Variants in PDE4D observed in about 807,000 individuals in gnomAD.
The protein encoded by PDE4D is phosphodiesterase 4D.
A neutral mutation model predicts 87.4 loss-of-function variants in PDE4D; 24 were observed. The ratio of observed to expected loss-of-function variants is 0.27; its 90% CI spans 0.20 to 0.39. The LOEUF (loss-of-function observed/expected upper bound fraction) is 0.39, where lower values mean the gene tolerates loss of function less well. PDE4D is among the 10% of genes least tolerant of loss of function. The pLI, the probability that PDE4D is intolerant of heterozygous loss-of-function variation, is 1.00. For synonymous variants in PDE4D, 384 were observed against 383.2 expected (o/e 1.00, Z -0.02); for missense variants, 714 against 1,041.0 (o/e 0.69, Z 4.32).
intron 1 of PDE4D, among the ~76,000 whole-genome samples, chr5:59,297,644 T>C (rs1308169077): frequency 2.0e-5 from 3 of 152,098 alleles, no homozygotes; most frequent in Admixed American, 6.6e-5. Context: ...TATCCTCCTA[T>C]GTCCCCAGTA....
At chr5:60,417,041 T>C (rs902041066) in intron 1 of PDE4D, among the ~76,000 whole-genome samples, 1 of 152,218 alleles carries the variant, frequency 6.6e-6, no homozygotes, top group Non-Finnish European at 1.5e-5. Context: ...CTGAAGTAGA[T>C]GTCCAGACTC....
intron 1 of PDE4D, among the ~76,000 whole-genome samples, chr5:59,701,683 C>T (rs1752590872): frequency 6.6e-6 from 1 of 152,138 alleles, no homozygotes; most frequent in Non-Finnish European, 1.5e-5. Flanking sequence ...GTGAAGACTC[C>T]AAGAGGAGCA....
chr5:60,155,689 G>A (rs1456569635), intron 2 of PDE4D, among the ~76,000 whole-genome samples: 3 of 152,114 alleles, frequency 2.0e-5, no homozygotes, highest in Non-Finnish European at 2.9e-5. Context: ...TAAATTATAC[G>A]ATGCTAGTTT....
rs1742679800 is a variant in PDE4D at position 58,971,982 on chromosome 5, C to T, written c.*2682G>A. ...TCCATTAGTGGGTATCTTTACAACACGGTACCATTAAAAACCAACAAACTG... is the reference window on the plus strand; with the variant it reads ...TCCATTAGTGGGTATCTTTACAACATGGTACCATTAAAAACCAACAAACTG... On this transcript the variant is annotated 3_prime_UTR_variant, in exon 15 of 15. Coordinates refer to ENST00000340635, the MANE Select transcript of PDE4D (RefSeq NM_001104631.2). 1 of 151,710 alleles carries T rather than the reference C, an allele frequency of 6.6e-6. No individual in the cohort carries two copies. Among genetic ancestry groups the T allele is most frequent in the South Asian group, 2.1e-4 (1 of 4,784 alleles). The allele number at this position is 151,710 out of a possible 1,614,324, so 9.4% of individuals were successfully genotyped here. A position where few individuals can be genotyped will look rare whatever the true frequency, so the allele number is the denominator to read the frequency against.
At chr5:59,367,553 T>C (rs1043831614) in intron 1 of PDE4D, among the ~76,000 whole-genome samples, 1 of 152,150 alleles carries the variant, frequency 6.6e-6, no homozygotes, top group African/African-American at 2.4e-5. Flanking sequence ...AGGTCAAGAG[T>C]AAAGACTTTT....
intron 1 of PDE4D, among the ~76,000 whole-genome samples, chr5:59,870,798 C>T (rs1747717071): frequency 6.6e-6 from 1 of 152,114 alleles, no homozygotes; most frequent in African/African-American, 2.4e-5. Flanking sequence ...GCTTTCTTGG[C>T]TACGAAAGGT....
At chr5:59,887,739 TTG>T (rs542926434) in intron 1 of PDE4D, among the ~76,000 whole-genome samples, 236 of 148,910 alleles carry the variant, frequency 1.6e-3, no homozygotes, top group Admixed American at 3.4e-3. Flanking sequence ...GTGTGTGTGT[TTG>T]TGTGTGTGTG....
chr5:59,793,085 G>A (rs1766007664), intron 1 of PDE4D, among the ~76,000 whole-genome samples: 1 of 152,220 alleles, frequency 6.6e-6, no homozygotes, highest in Admixed American at 6.5e-5. Flanking sequence ...ATCAGAGCAA[G>A]ACTAGCAATC....
At chr5:60,024,921 A>G (rs536425745) in intron 2 of PDE4D, among the ~76,000 whole-genome samples, 2 of 152,172 alleles carry the variant, frequency 1.3e-5, no homozygotes, top group African/African-American at 4.8e-5. Flanking sequence ...TGCTTGAAGT[A>G]TCATCAAGGT....
chr5:59,047,838 A>T (rs1257999700), intron 5 of PDE4D, among the ~76,000 whole-genome samples: 4 of 152,206 alleles, frequency 2.6e-5, no homozygotes, highest in African/African-American at 9.6e-5. Flanking sequence ...CCATTATAAG[A>T]AGAGGCCAGA....
intron 2 of PDE4D, among the ~76,000 whole-genome samples, chr5:60,030,433 GGC>G (rs1196416093): frequency 6.6e-6 from 1 of 152,122 alleles, no homozygotes; most frequent in African/African-American, 2.4e-5. Context: ...GTCCGGCCTG[GGC>G]GACAGAGCGA....
intron 1 of PDE4D, among the ~76,000 whole-genome samples, chr5:59,235,188 G>GA (rs1272845425): frequency 1.3e-5 from 2 of 152,126 alleles, no homozygotes; most frequent in African/African-American, 2.4e-5. Flanking sequence ...CAGACCACAT[G>GA]AAAAAAATCT....
At position 60,094,125 on chromosome 5, in the gene PDE4D, A is replaced by C. The variant is rs373720874; in HGVS notation, c.42+91432T>G. On this transcript the variant is annotated intron_variant, in intron 2 of 16. Coordinates refer to the PDE4D transcript ENST00000502484. ...GCAGCAAGATGTAGAGTTGAATATC[A>C]GCTCTGCCACATACTAACTATATGA... Among the ~76,000 whole-genome samples the C allele has an allele frequency of 6.6e-5, 10 of 152,290 alleles. No individual in the cohort carries two copies. The South Asian group carries it at 1.2e-3, about 19-fold the overall frequency.
chr5:59,443,742 G>A (rs189395416), intron 1 of PDE4D, among the ~76,000 whole-genome samples: 1 of 152,232 alleles, frequency 6.6e-6, no homozygotes, highest in Non-Finnish European at 1.5e-5. Flanking sequence ...GAGCAGAGTG[G>A]ATGCATTTGA....
intron 1 of PDE4D, among the ~76,000 whole-genome samples, chr5:59,629,110 C>A (rs991909028): frequency 1.3e-5 from 2 of 152,154 alleles, no homozygotes; most frequent in African/African-American, 2.4e-5. Flanking sequence ...TCCCACTACA[C>A]GTGCGGATTA....
Position 60,228,047 on chromosome 5 carries a change from T to A in PDE4D, c.-89-42360A>T, listed in dbSNP as rs1027231447. Among the ~76,000 whole-genome samples, 6 of 152,132 alleles carry A rather than the reference T, an allele frequency of 3.9e-5. No homozygotes were observed. The East Asian group carries it at 1.2e-3, about 30-fold the overall frequency. ...TGGAATGCATCTCTCCCATTGCCCA[T>A]CACTTTACTCTTCTACTCTACTCTC... On this transcript the variant is annotated intron_variant, in intron 1 of 16. Transcript: ENST00000502484.
intron 1 of PDE4D, among the ~76,000 whole-genome samples, chr5:59,755,194 T>A (rs775065695): frequency 4.6e-5 from 7 of 152,326 alleles, no homozygotes; most frequent in African/African-American, 1.2e-4. Context: ...GTCTTTCATA[T>A]GTCTATATTA....
Position 58,975,089 on chromosome 5 carries a change from G to GA in PDE4D, c.2014-10dup, listed in dbSNP as rs745463499. ...TAGTCTATGAAGCCCACCTAGTTAA[G>GA]AAAAAAATCCAGTATGAGTAGAGGA... On this transcript the variant is annotated splice_polypyrimidine_tract_variant and intron_variant, in intron 14 of 14. Coordinates refer to ENST00000340635, the MANE Select transcript of PDE4D (RefSeq NM_001104631.2). The surrounding 1 kb of genome is among the most constrained non-coding windows in gnomAD (Gnocchi z 4.2). 5.5e-6 allele frequency: 8 copies of GA among 1,454,506 alleles called. No homozygotes were observed. The highest frequency in any genetic ancestry group is 6.4e-6 in the Non-Finnish European group (7 of 1,095,324). 90.1% of individuals were successfully genotyped at this position (1,454,506 alleles called of 1,614,324 possible). A position where few individuals can be genotyped will look rare whatever the true frequency, so the allele number is the denominator to read the frequency against.
intron 1 of PDE4D, among the ~76,000 whole-genome samples, chr5:59,771,467 AAGAAAGAAAGAAAGAAAG>A (rs1190469029): frequency 4.1e-5 from 3 of 72,896 alleles, no homozygotes; most frequent in African/African-American, 1.3e-4. Flanking sequence ...GAAAGAAAGA[AAGAAAGAAAGAAAGAAAG>A]AGAGAGAGAG....
Sources: allele counts gnomAD v4.1 joint callset (sites outside exome capture counted in the v4.1 genomes callset), GRCh38; gene constraint gnomAD v4.1.1; non-coding constraint Gnocchi (gnomAD v3.1); transcripts MANE v1.5; gene names NCBI Gene and HGNC (gene_info 2026-07-23, HGNC 2026-07-21).